EAF1: variants seen among roughly 807,000 people sequenced by gnomAD.
EAF1 encodes the protein ELL associated factor 1.
A neutral mutation model predicts 26.6 loss-of-function variants in EAF1; 19 were observed. The ratio of observed to expected loss-of-function variants is 0.71; its 90% CI spans 0.50 to 1.05. EAF1 has a LOEUF of 1.05. EAF1 is among the 50% of genes least tolerant of loss of function. The pLI, the probability that EAF1 is intolerant of heterozygous loss-of-function variation, is 0.00. For synonymous variants in EAF1, 102 were observed against 120.6 expected, an observed-to-expected ratio of 0.85 and a Z score of 1.01; for missense variants, 260 against 335.5, an observed-to-expected ratio of 0.78 and a Z score of 1.76.
At chr3:15,438,099 A>G (rs1039651498) in intron 5 of EAF1, among the ~76,000 whole-genome samples, 11 of 152,234 alleles carry the variant, frequency 7.2e-5, no homozygotes, top group African/African-American at 2.7e-4. Flanking sequence ...AAAGGGTTTC[A>G]TGGAACCCCG....
At chr3:15,436,650 C>G (rs545819458) in intron 5 of EAF1, 75 bp downstream of exon 5, 3 of 1,296,960 alleles carry the variant, frequency 2.3e-6, no homozygotes, top group Non-Finnish European at 3.2e-6. Flanking sequence ...CCAGAACTTA[C>G]AAACCTAAAG....
At position 15,431,942 on chromosome 3, in the gene EAF1, A is replaced by C. The variant is rs1575450793; in HGVS notation, c.199-145A>C. 1.3e-5 allele frequency: 12 copies of C among 921,002 alleles called. No homozygotes were observed. The East Asian group carries it at 3.1e-4, about 24-fold the overall frequency. 57.1% of individuals were successfully genotyped at this position (921,002 alleles called of 1,614,324 possible). ...CTTTATTTTTGCCTCGGAAACCAGA[A>C]GGAGATAAAATAGAAATCAGTTCAA... is the stretch of plus-strand genomic sequence containing the variant. On this transcript the variant is annotated intron_variant, in intron 2 of 5. Transcript: ENST00000396842.
rs1006018221 is a variant in EAF1 at position 15,436,969 on chromosome 3, T to C, written c.760+394T>C. On this transcript the variant is annotated intron_variant, in intron 5 of 5. Transcript: ENST00000396842. ...GGAGTGCAATGGTGCAATCTCGGCT[T>C]ACTGCAACCTCCACCTCTCGGGTTC... 3.5e-4 allele frequency among the ~76,000 whole-genome samples: 54 copies of C among 152,162 alleles called. 1 individual carries two copies. The highest frequency in any genetic ancestry group is 9.4e-4 in the African/African-American group (39 of 41,528).
rs903377237 is a variant in EAF1 at position 15,442,318 on chromosome 3, T to C, written c.*3163T>C. The C allele has an allele frequency of 6.6e-6, 1 of 152,454 alleles. No homozygotes were observed. The highest frequency in any genetic ancestry group is 2.4e-5 in the African/African-American group (1 of 41,414). The allele number at this position is 152,454 out of a possible 1,614,324, so 9.4% of individuals were successfully genotyped here. A position where few individuals can be genotyped will look rare whatever the true frequency, so the allele number is the denominator to read the frequency against. On this transcript the variant is annotated 3_prime_UTR_variant, in exon 6 of 6. Transcript: ENST00000396842. ...ATGTTATATACAGCCAAAGTGGATG[T>C]TTCTATTTGGCAAGGAAGGTAGGAT...
chr3:15,440,532 C>T lies in EAF1; in HGVS notation c.*1377C>T, dbSNP rs2061861729. 1 of 152,174 alleles carries T rather than the reference C, an allele frequency of 6.6e-6. No homozygotes were observed. Among genetic ancestry groups the T allele is most frequent in the Non-Finnish European group, 1.5e-5 (1 of 68,026 alleles). 9.4% of individuals were successfully genotyped at this position (152,174 alleles called of 1,614,324 possible). A position where few individuals can be genotyped will look rare whatever the true frequency, so the allele number is the denominator to read the frequency against. ...TAATAATAATTTTTCCTCCACAGGT[C>T]CCTCCACTCATATGGCCTCTCCCTC... On this transcript the variant is annotated 3_prime_UTR_variant, in exon 6 of 6. Coordinates refer to ENST00000396842, the MANE Select transcript of EAF1 (RefSeq NM_033083.7).
chr3:15,429,957 C>T lies in EAF1; in HGVS notation c.148C>T (p.Leu50Phe). The T allele has an allele frequency of 6.2e-7, 1 of 1,613,218 alleles. No individual in the cohort carries two copies. ...TATAGACACTTCCTGTGAAGGAGAG[C>T]TTCAAGTTGGCAAAGGAGATGAAGT... The part of the protein sequence containing the change: ...ASIDTSCEGE[L>F]QVGKGDEVTI... Residue 50 changes from leucine (L) to phenylalanine (F), a missense_variant, in exon 2 of 6, where the codon CTT becomes TTT. Coordinates refer to ENST00000396842, the MANE Select transcript of EAF1 (RefSeq NM_033083.7).
rs376391602 is a variant in EAF1, at chr3:15,429,980, A to T, written c.171A>T (p.Glu57Asp). Residue 57 changes from glutamate (E) to aspartate (D), a missense_variant, in exon 2 of 6, where the codon GAA becomes GAT. Physicochemically the swap from Glu to Asp is conservative, Grantham distance 45. Coordinates refer to ENST00000396842, the MANE Select transcript of EAF1 (RefSeq NM_033083.7). The stretch of plus-strand genomic sequence containing the variant: ...AGCTTCAAGTTGGCAAAGGAGATGA[A>T]GTCACAATTACACTGCCACATATCC... ...EGELQVGKGD[E>D]VTITLPHIPG... 2.5e-6 allele frequency: 4 copies of T among 1,611,964 alleles called. No homozygotes were observed. The African/African-American group carries it at 5.3e-5, about 22-fold the overall frequency.
In EAF1 at chr3:15,429,965, T is replaced by C. The variant is rs2125064035; in HGVS notation, c.156T>C (p.Val52=). The change falls in exon 2 of 6, where the codon GTT becomes GTC. Residue 52 remains valine, a synonymous_variant. Coordinates refer to ENST00000396842, the MANE Select transcript of EAF1 (RefSeq NM_033083.7). The stretch of plus-strand genomic sequence containing the variant: ...CTTCCTGTGAAGGAGAGCTTCAAGT[T>C]GGCAAAGGAGATGAAGTCACAATTA... ...IDTSCEGELQ[V]GKGDEVTITL... is the part of the protein sequence containing the mutation. 2 of 1,613,374 alleles carry C rather than the reference T, an allele frequency of 1.2e-6. No homozygotes were observed. Among genetic ancestry groups the C allele is most frequent in the South Asian group, 2.2e-5 (2 of 90,776 alleles).
rs769876525 is a variant in EAF1, at chr3:15,427,833, C to T, written c.54C>T (p.Leu18=). The T allele has an allele frequency of 5.4e-5, 84 of 1,550,992 alleles. No individual in the cohort carries two copies. The highest frequency in any genetic ancestry group is 6.7e-5 in the Non-Finnish European group (77 of 1,146,762). Residue 18 remains leucine (L), a synonymous_variant, in exon 1 of 6, where the codon CTC becomes CTT. Transcript: ENST00000396842. ...ACCGCGAGGAACATTGCCTGAGGCTCGGGGAGAGCTTCGAGAAGCGGCCGC... is the reference window on the plus strand; with the variant it reads ...ACCGCGAGGAACATTGCCTGAGGCTTGGGGAGAGCTTCGAGAAGCGGCCGC... The part of the protein sequence containing the change: ...LLDREEHCLR[L]GESFEKRPRA...
At chr3:15,435,329 A>G (rs887971277) in intron 4 of EAF1, among the ~76,000 whole-genome samples, 1 of 152,226 alleles carries the variant, frequency 6.6e-6, no homozygotes, top group African/African-American at 2.4e-5. Flanking sequence ...TTGTGAGGTC[A>G]TATTTCATAT....
At chr3:15,430,812 G>A (rs928118677) in intron 2 of EAF1, among the ~76,000 whole-genome samples, 5 of 152,202 alleles carry the variant, frequency 3.3e-5, no homozygotes, top group African/African-American at 1.2e-4. Context: ...AAGCACCAAA[G>A]GGTCACATGA....
chr3:15,430,147 AGTGGG>A (rs902363095), intron 2 of EAF1, 140 bp downstream of exon 2: 23 of 626,890 alleles, frequency 3.7e-5, no homozygotes, highest in Non-Finnish European at 5.3e-6. Flanking sequence ...AATTTTGGGG[AGTGGG>A]GTGGGGTGGA....
Position 15,436,551 on chromosome 3 carries a change from A to C in EAF1, c.736A>C (p.Ser246Arg). The change falls in exon 5 of 6, where the codon AGC (serine) becomes CGC (arginine). Residue 246 changes from serine (S) to arginine (R), a missense_variant. Physicochemically the swap from Ser to Arg is moderately radical, Grantham distance 110 (BLOSUM62 -1). Transcript: ENST00000396842. ...CAATGGAACCAGCCGGCCACAAGGA[A>C]GCAACCAGCTCATGAACACCCTCAG... ...VANGTSRPQG[S>R]NQLMNTLRND... 6.3e-7 allele frequency: 1 copy of C among 1,590,012 alleles called. No individual in the cohort carries two copies. Among genetic ancestry groups the C allele is most frequent in the South Asian group, 1.1e-5 (1 of 90,452 alleles).
intron 5 of EAF1, among the ~76,000 whole-genome samples, chr3:15,437,910 T>G (rs1004084758): frequency 3.9e-5 from 6 of 152,106 alleles, no homozygotes; most frequent in Admixed American, 3.3e-4. Context: ...ATCCCTGACG[T>G]CTACCCACTA....
intron 1 of EAF1, 145 bp downstream of exon 1, chr3:15,428,027 T>C: frequency 1.5e-6 from 1 of 662,352 alleles, no homozygotes; most frequent in Non-Finnish European, 2.6e-6. Context: ...CCAAATCCTT[T>C]GGGACATCGA....
intron 1 of EAF1, 22 bp from the exon 2 acceptor site, chr3:15,429,891 G>A (rs1358527781): frequency 1.3e-6 from 2 of 1,554,560 alleles, no homozygotes; most frequent in Non-Finnish European, 1.8e-6. Context: ...GTGGGTAAGT[G>A]CTTTTTTTCC....
rs9831724 is a variant in EAF1, at chr3:15,433,230, A to G, written c.335+1007A>G. 1.6e-3 allele frequency: 208 copies of G among 133,502 alleles called. 1 individual carries two copies. Among genetic ancestry groups the G allele is most frequent in the African/African-American group, 6.4e-3 (196 of 30,666 alleles). The allele number at this position is 133,502 out of a possible 1,614,324, so 8.3% of individuals were successfully genotyped here. A position where few individuals can be genotyped will look rare whatever the true frequency, so the allele number is the denominator to read the frequency against. ...CGAAGTGAGTACGAAAGGTGCTATT[A>G]TCTAAAAAAAAAAAAAAAAAAAAAA... On this transcript the variant is annotated intron_variant, in intron 3 of 5. Transcript: ENST00000396842.
At chr3:15,438,924 T>C (rs2061850561) in intron 5 of EAF1, 185 bp from the exon 6 acceptor site, 1 of 599,016 alleles carries the variant, frequency 1.7e-6, no homozygotes, top group South Asian at 2.1e-5. Context: ...TTGTGCTTTG[T>C]AGATAACCAA....
chr3:15,438,678 C>G (rs1028723554), intron 5 of EAF1: 8 of 157,194 alleles, frequency 5.1e-5, no homozygotes, highest in African/African-American at 1.9e-4. Context: ...GCATGTCCCA[C>G]TACACGTGGC....
Sources: gnomAD v4.1 joint callset for allele counts (sites outside exome capture counted in the v4.1 genomes callset) on GRCh38, gnomAD v4.1.1 for gene constraint, MANE v1.5 for transcripts, NCBI Gene and HGNC (gene_info 2026-07-23, HGNC 2026-07-21) for gene names.